The following MIPEP variants were observed in gnomAD, a reference collection of about 807,000 sequenced individuals.
MIPEP encodes the protein mitochondrial intermediate peptidase.
MIPEP carries 79 observed loss-of-function variants against 90.3 expected under a neutral mutation model. The ratio of observed to expected loss-of-function variants is 0.87; its 90% CI spans 0.73 to 1.05. MIPEP has a LOEUF of 1.05. Ranked by LOEUF, MIPEP falls within the 50% of genes least tolerant of loss-of-function variation. MIPEP has a pLI of 0.00. For missense variants in MIPEP, 940 were observed against 905.6 expected, an observed-to-expected ratio of 1.04 and a Z score of -0.49; for synonymous variants, 334 against 315.8, an observed-to-expected ratio of 1.06 and a Z score of -0.61.
Position 23,864,156 on chromosome 13 carries a change from T to C in MIPEP, c.977A>G (p.Asp326Gly), listed in dbSNP as rs1469602965. 1 of 1,562,476 alleles carries C rather than the reference T, an allele frequency of 6.4e-7. No individual in the cohort carries two copies. The highest frequency in any genetic ancestry group is 8.7e-7 in the Non-Finnish European group (1 of 1,150,642). ...TVMQFLEKLS[D>G]KLSERTLKDF... ...AAAAACTAACCTTTCAGAAAGTTTG[T>C]CAGATAGTTTTTCAAGGAACTGCAT... The change falls in exon 8 of 19, where the codon GAC becomes GGC. Residue 326 changes from aspartate (D) to glycine (G), a missense_variant. Asp to Gly is a moderately conservative substitution (Grantham distance 94, BLOSUM62 -1). Transcript: ENST00000382172.
Position 23,881,789 on chromosome 13 carries a change from T to G in MIPEP, c.364-2A>C, listed in dbSNP as rs1210088920. 6.2e-6 allele frequency: 10 copies of G among 1,611,286 alleles called. No individual in the cohort carries two copies. Among genetic ancestry groups the G allele is most frequent in the Non-Finnish European group, 8.5e-6 (10 of 1,177,922 alleles). On this transcript the variant is annotated splice_acceptor_variant, in intron 2 of 18. Coordinates refer to ENST00000382172, the MANE Select transcript of MIPEP (RefSeq NM_005932.4). LOFTEE classifies it high-confidence loss of function. ...GTGAGCGATTTTCACAAAATCAGCCTAATAAAGGGGAAAGACAAAACCAAA... is the reference window on the plus strand; with the variant it reads ...GTGAGCGATTTTCACAAAATCAGCCGAATAAAGGGGAAAGACAAAACCAAA...
intron 10 of MIPEP, among the ~76,000 whole-genome samples, chr13:23,858,384 T>G (rs1308492493): frequency 6.7e-6 from 1 of 149,460 alleles, no homozygotes; most frequent in Non-Finnish European, 1.5e-5. Context: ...ACCAATAATG[T>G]GTTGACAATA....
At chr13:23,757,927 G>GT (rs1463676113) in intron 17 of MIPEP, among the ~76,000 whole-genome samples, 1 of 152,160 alleles carries the variant, frequency 6.6e-6, no homozygotes, top group African/African-American at 2.4e-5. Flanking sequence ...GATGAGACAG[G>GT]TTAAATAAAT....
intron 17 of MIPEP, chr13:23,756,905 T>C (rs554217379): frequency 2.6e-6 from 1 of 389,540 alleles, no homozygotes; most frequent in South Asian, 3.3e-5. Context: ...AACTTATGTA[T>C]TATACAATAG....
At chr13:23,794,640 T>C (rs1952936430) in intron 16 of MIPEP, among the ~76,000 whole-genome samples, 1 of 152,148 alleles carries the variant, frequency 6.6e-6, no homozygotes, top group African/African-American at 2.4e-5. Context: ...TCCTTATATC[T>C]AGCTTGTCAA....
intron 17 of MIPEP, 87 bp from the exon 18 acceptor site, chr13:23,756,705 T>C: frequency 5.4e-6 from 7 of 1,295,302 alleles, no homozygotes; most frequent in Non-Finnish European, 7.6e-6. Flanking sequence ...GCCACACTGA[T>C]GCCATATTCA....
intron 18 of MIPEP, among the ~76,000 whole-genome samples, chr13:23,753,241 T>A (rs9510845): frequency 0.16 from 22,966 of 140,748 alleles, 2,255 homozygotes; most frequent in Non-Finnish European, 0.23. Flanking sequence ...AAAAAAAAAA[T>A]AATAATAATA....
chr13:23,734,247 G>A (rs1952235678), intron 18 of MIPEP, among the ~76,000 whole-genome samples: 1 of 152,104 alleles, frequency 6.6e-6, no homozygotes. Flanking sequence ...CTCCTCCTCT[G>A]TACAGGGTAG....
At chr13:23,879,120 T>A (rs898956612) in intron 4 of MIPEP, 148 bp downstream of exon 4, 1 of 640,358 alleles carries the variant, frequency 1.6e-6, no homozygotes, top group Non-Finnish European at 2.8e-6. Flanking sequence ...TTGAGTGGAG[T>A]CCTAGAGAAA....
intron 10 of MIPEP, 90 bp from the exon 11 acceptor site, chr13:23,841,578 TC>T (rs1348167344): frequency 3.0e-6 from 4 of 1,328,610 alleles, no homozygotes; most frequent in Non-Finnish European, 4.1e-6. Context: ...ATACTTAAGA[TC>T]ACTGGAGCTA....
intron 18 of MIPEP, among the ~76,000 whole-genome samples, chr13:23,735,523 A>G (rs1952252707): frequency 6.6e-6 from 1 of 152,200 alleles, no homozygotes; most frequent in African/African-American, 2.4e-5. Context: ...TCAACTCAAC[A>G]AACTGCCAAT....
Position 23,870,179 on chromosome 13 carries a change from T to A in MIPEP, c.620A>T (p.Asp207Val), listed in dbSNP as rs201869799. ...LDKEKRKRAV[D>V]LNVKILDLSS... Reference sequence around the variant, plus strand: ...CAAATCCAAGATTTTAACATTGAGGTCCACTGCTCTTTTACGCTGTATGCA... The same window carrying A: ...CAAATCCAAGATTTTAACATTGAGGACCACTGCTCTTTTACGCTGTATGCA... Residue 207 changes from aspartate to valine, a missense_variant, in exon 6 of 19, where the codon GAC becomes GTC. Asp to Val is a radical substitution (Grantham distance 152). Coordinates refer to ENST00000382172, the MANE Select transcript of MIPEP (RefSeq NM_005932.4). 7.5e-6 allele frequency: 12 copies of A among 1,604,948 alleles called. No individual in the cohort carries two copies. The highest frequency in any genetic ancestry group is 1.0e-5 in the Non-Finnish European group (12 of 1,175,594).
chr13:23,839,533 A>G (rs1267991798), intron 12 of MIPEP, 116 bp downstream of exon 12: 1 of 545,572 alleles, frequency 1.8e-6, no homozygotes, highest in African/African-American at 1.9e-5. Flanking sequence ...ATATTTGGTA[A>G]CCATCATTAG....
chr13:23,782,709 C>G (rs1433318275), intron 16 of MIPEP, among the ~76,000 whole-genome samples: 1 of 151,908 alleles, frequency 6.6e-6, no homozygotes, highest in Non-Finnish European at 1.5e-5. Context: ...AGACCAGTAG[C>G]AAGACTAATA....
intron 14 of MIPEP, among the ~76,000 whole-genome samples, chr13:23,832,771 T>A (rs2312565): frequency 0.98 from 148,851 of 152,250 alleles, 72,856 homozygotes; most frequent in East Asian, 1. Context: ...ACACCTGAAC[T>A]GCAGCCAAGT....
At chr13:23,878,324 T>C (rs1871149521) in intron 4 of MIPEP, among the ~76,000 whole-genome samples, 1 of 152,228 alleles carries the variant, frequency 6.6e-6, no homozygotes. Flanking sequence ...GGTACCTGCA[T>C]ACCTGCCAGG....
At chr13:23,731,408 G>A (rs1482008857) in intron 18 of MIPEP, among the ~76,000 whole-genome samples, 1 of 152,202 alleles carries the variant, frequency 6.6e-6, no homozygotes, top group Non-Finnish European at 1.5e-5. Flanking sequence ...ACAACATGAA[G>A]AGTGAGAGTA....
chr13:23,858,281 TA>T (rs1182419416), intron 10 of MIPEP, among the ~76,000 whole-genome samples: 1 of 151,938 alleles, frequency 6.6e-6, no homozygotes. Flanking sequence ...TTTTCTCCAA[TA>T]TAATAAACAC....
chr13:23,804,194 G>T (rs1192922401), intron 16 of MIPEP, among the ~76,000 whole-genome samples: 1 of 152,172 alleles, frequency 6.6e-6, no homozygotes, highest in East Asian at 1.9e-4. Context: ...TTTAAAAAGA[G>T]ACATAATTAC....
Sources: allele counts gnomAD v4.1 joint callset (sites outside exome capture counted in the v4.1 genomes callset), GRCh38; gene constraint gnomAD v4.1.1; transcripts MANE v1.5; gene names NCBI Gene and HGNC (gene_info 2026-07-23, HGNC 2026-07-21).